The following KNTC1 variants were observed in gnomAD, a reference collection of about 807,000 sequenced individuals.
The protein encoded by KNTC1 is kinetochore associated 1.
Under a neutral mutation model 314.4 loss-of-function variants are expected in KNTC1, and 253 were observed. That is an observed-to-expected ratio of 0.80 (90% CI 0.73 to 0.89). KNTC1 has a LOEUF of 0.89. Ranked by LOEUF, KNTC1 falls within the 40% of genes least tolerant of loss-of-function variation. The pLI is 0.00. For missense variants in KNTC1, 2,475 were observed against 2,572.9 expected (o/e 0.96, Z 0.82); for synonymous variants, 901 against 901.4 (o/e 1.00, Z 0.01).
intron 34 of KNTC1, among the ~76,000 whole-genome samples, chr12:122,583,403 T>C (rs764449937): frequency 4.6e-5 from 7 of 152,314 alleles, no homozygotes; most frequent in Admixed American, 3.3e-4. Flanking sequence ...TCAGAGCATA[T>C]TTTGGGCCTC....
intron 57 of KNTC1, among the ~76,000 whole-genome samples, chr12:122,616,266 C>CTT (rs398056023): frequency 2.8e-5 from 4 of 142,926 alleles, no homozygotes; most frequent in African/African-American, 2.5e-5. Context: ...TAGAGATTTC[C>CTT]TTTTTTTTTT....
intron 2 of KNTC1, among the ~76,000 whole-genome samples, chr12:122,530,535 C>T (rs978323297): frequency 1.3e-5 from 2 of 151,438 alleles, no homozygotes; most frequent in Admixed American, 6.6e-5. Flanking sequence ...ACTGCAATCT[C>T]TGACTCCCAG....
chr12:122,607,212 C>T (rs7954964), intron 51 of KNTC1, among the ~76,000 whole-genome samples: 30,154 of 151,986 alleles, frequency 0.2, 3,449 homozygotes, highest in East Asian at 0.46. Flanking sequence ...TACAGGCGCC[C>T]GCCACCATGC....
Position 122,575,658 on chromosome 12 carries a change from GTC to G in KNTC1, c.2486+14_2486+15del. The G allele has an allele frequency of 6.4e-7, 1 of 1,560,538 alleles. No homozygotes were observed. The highest frequency in any genetic ancestry group is 8.7e-7 in the Non-Finnish European group (1 of 1,143,704). On this transcript the variant is annotated intron_variant, in intron 28 of 63. Coordinates refer to ENST00000333479, the MANE Select transcript of KNTC1 (RefSeq NM_014708.6). ...ATGGACCATCCCAAGTAAGATGACT[GTC>G]TACGAAACAATGTTGTTATGCTCTG...
chr12:122,585,535 A>G (rs1475947329), intron 36 of KNTC1, 101 bp from the exon 37 acceptor site: 2 of 1,285,688 alleles, frequency 1.6e-6, no homozygotes, highest in East Asian at 4.6e-5. Context: ...CTTCTGTTAG[A>G]GTTTAACTTA....
intron 57 of KNTC1, among the ~76,000 whole-genome samples, chr12:122,616,799 T>C (rs1216383494): frequency 6.6e-6 from 1 of 152,220 alleles, no homozygotes; most frequent in Non-Finnish European, 1.5e-5. Context: ...TTTTGGTATA[T>C]GCACAGAGTT....
At chr12:122,546,090 C>A (rs1565940342) in intron 8 of KNTC1, 86 bp from the exon 9 acceptor site, 1 of 750,328 alleles carries the variant, frequency 1.3e-6, no homozygotes, top group African/African-American at 1.8e-5. Context: ...AATTAGTAAC[C>A]TATAAAACTT....
intron 33 of KNTC1, among the ~76,000 whole-genome samples, chr12:122,581,433 A>G (rs929555481): frequency 6.6e-6 from 1 of 152,020 alleles, no homozygotes; most frequent in East Asian, 1.9e-4. Context: ...TCCTGACCTC[A>G]GGTGATCCGC....
At chr12:122,585,074 G>A in intron 36 of KNTC1, 84 bp downstream of exon 36, 2 of 766,956 alleles carry the variant, frequency 2.6e-6, no homozygotes, top group Non-Finnish European at 4.4e-6. Context: ...GTTTTGTTCT[G>A]TCACCCAGGC....
intron 29 of KNTC1, among the ~76,000 whole-genome samples, chr12:122,576,214 C>T (rs1965009004): frequency 6.7e-6 from 1 of 150,036 alleles, no homozygotes; most frequent in Non-Finnish European, 1.5e-5. Context: ...CATGCACTAC[C>T]ACGCTTGGCT....
intron 2 of KNTC1, among the ~76,000 whole-genome samples, chr12:122,532,992 G>A (rs777598841): frequency 6.0e-4 from 92 of 152,232 alleles, no homozygotes; most frequent in Non-Finnish European, 8.5e-4. Context: ...GGAGAATGGC[G>A]TGAGCCCAGG....
intron 57 of KNTC1, among the ~76,000 whole-genome samples, chr12:122,616,129 T>G (rs1317427480): frequency 6.6e-6 from 1 of 152,112 alleles, no homozygotes; most frequent in Non-Finnish European, 1.5e-5. Flanking sequence ...ATATATAATT[T>G]ATTCTTTGTT....
intron 43 of KNTC1, among the ~76,000 whole-genome samples, chr12:122,597,037 C>A (rs1365527352): frequency 2.0e-5 from 3 of 151,914 alleles, no homozygotes; most frequent in Admixed American, 6.6e-5. Flanking sequence ...TGTGTAGGCA[C>A]TTATAGATAT....
At chr12:122,549,528 A>G (rs1416682748) in intron 12 of KNTC1, among the ~76,000 whole-genome samples, 2 of 151,584 alleles carry the variant, frequency 1.3e-5, no homozygotes, top group East Asian at 3.9e-4. Context: ...CCGCCACACC[A>G]GGCTAATTTT....
intron 21 of KNTC1, 35 bp from the exon 22 acceptor site, chr12:122,569,646 T>C: frequency 1.3e-6 from 2 of 1,579,878 alleles, no homozygotes; most frequent in Non-Finnish European, 1.7e-6. Context: ...GGTTTAAATT[T>C]GTCAGATCTT....
In KNTC1 at chr12:122,557,614, G is replaced by C. The variant is rs564029102; in HGVS notation, c.1413G>C (p.Val471=). ...TTGTGAAACAGGATGATGAATTTGT[G>C]GTGAATTACTGCCTGAAAGCTCAGT... is the stretch of plus-strand genomic sequence containing the variant. The part of the protein sequence containing the change: ...NLHKIQDDEF[V]VNYCLKAQWI... Residue 471 remains valine, a synonymous_variant, in exon 18 of 64, where the codon GTG becomes GTC. Coordinates refer to ENST00000333479, the MANE Select transcript of KNTC1 (RefSeq NM_014708.6). 2.5e-6 allele frequency: 4 copies of C among 1,613,124 alleles called. No homozygotes were observed. In the South Asian group the frequency reaches 3.3e-5, roughly 13 times the overall value.
At chr12:122,575,929 C>G (rs751279364) in intron 29 of KNTC1, 30 bp downstream of exon 29, 1 of 1,562,550 alleles carries the variant, frequency 6.4e-7, no homozygotes, top group South Asian at 1.2e-5. Context: ...AGTCTTTTTT[C>G]TCTTTCATTT....
chr12:122,529,800 C>T (rs1395594309), intron 1 of KNTC1, among the ~76,000 whole-genome samples, 191 bp from the exon 2 acceptor site: 1 of 152,162 alleles, frequency 6.6e-6, no homozygotes, highest in Non-Finnish European at 1.5e-5. Context: ...GGTTTGTGTG[C>T]ATAAACCAAT....
At chr12:122,567,667 A>G (rs1964436334) in intron 20 of KNTC1, among the ~76,000 whole-genome samples, 1 of 151,924 alleles carries the variant, frequency 6.6e-6, no homozygotes, top group South Asian at 2.1e-4. Flanking sequence ...GTGAAACCCC[A>G]TCTCTACTAA....
Sources: gnomAD v4.1 joint callset for allele counts (sites outside exome capture counted in the v4.1 genomes callset) on GRCh38, gnomAD v4.1.1 for gene constraint, MANE v1.5 for transcripts, NCBI Gene and HGNC (gene_info 2026-07-23, HGNC 2026-07-21) for gene names.